The following VAMP4 variants were observed in gnomAD, a reference collection of about 807,000 sequenced individuals.
VAMP4 encodes the protein vesicle-associated membrane protein 4.
In VAMP4, 19 loss-of-function variants were observed where a neutral mutation model predicts 23.5. The observed-to-expected ratio is 0.81, with a 90% CI of 0.56 to 1.19. The LOEUF (loss-of-function observed/expected upper bound fraction) is 1.19. VAMP4 is among the 50% of genes most tolerant of loss of function. The pLI, the probability that VAMP4 is intolerant of heterozygous loss-of-function variation, is 0.00. For missense variants in VAMP4, 145 were observed against 168.6 expected (o/e 0.86, Z 0.78); for synonymous variants, 31 against 51.0 (o/e 0.61, Z 1.67).
At chr1:171,724,907 T>C (rs1655318233) in intron 3 of VAMP4, among the ~76,000 whole-genome samples, 1 of 152,196 alleles carries the variant, frequency 6.6e-6, no homozygotes, top group Admixed American at 6.5e-5. Context: ...GCCACACATA[T>C]ATAGTCAATA....
chr1:171,704,338 G>A lies in VAMP4; in HGVS notation c.*168C>T. ...TTAAAAGAACATTTTGTTAGAAAGG[G>A]AGAAGATAATTGGACATTCTCAACG... On this transcript the variant is annotated 3_prime_UTR_variant, in exon 8 of 8. Transcript: ENST00000236192. 3 of 424,188 alleles carry A rather than the reference G, an allele frequency of 7.1e-6. No individual in the cohort carries two copies. Among genetic ancestry groups the A allele is most frequent in the Non-Finnish European group, 1.3e-5 (3 of 236,368 alleles). 26.3% of individuals were successfully genotyped at this position (424,188 alleles called of 1,614,324 possible).
intron 2 of VAMP4, among the ~76,000 whole-genome samples, chr1:171,734,868 A>G (rs953149909): frequency 6.6e-6 from 1 of 152,158 alleles, no homozygotes; most frequent in Non-Finnish European, 1.5e-5. Flanking sequence ...GAGACAATAC[A>G]TTTTAAATTT....
rs75040773 is a variant in VAMP4 at position 171,716,362 on chromosome 1, C to A, written c.164+2809G>T. Among the ~76,000 whole-genome samples, 5 of 152,330 alleles carry A rather than the reference C, an allele frequency of 3.3e-5. No homozygotes were observed. In the East Asian group the frequency reaches 9.6e-4, roughly 29 times the overall value. ...TTATATAAATGAAACCTTAACTTCT[C>A]TACTCTGGAATGCTGACTCCATTCC... On this transcript the variant is annotated intron_variant, in intron 4 of 7. Transcript: ENST00000236192.
chr1:171,731,747 G>C (rs1018154818), intron 2 of VAMP4, among the ~76,000 whole-genome samples: 1 of 152,238 alleles, frequency 6.6e-6, no homozygotes, highest in East Asian at 1.9e-4. Flanking sequence ...ATATCTGTTT[G>C]CAAGAAATTC....
intron 2 of VAMP4, among the ~76,000 whole-genome samples, chr1:171,735,821 A>T (rs1040580691): frequency 6.6e-6 from 1 of 152,164 alleles, no homozygotes; most frequent in Non-Finnish European, 1.5e-5. Context: ...CATTTACTTT[A>T]ACAAATTGAC....
intron 5 of VAMP4, 30 bp from the exon 6 acceptor site, chr1:171,709,774 T>C: frequency 1.3e-6 from 2 of 1,533,532 alleles, no homozygotes; most frequent in Non-Finnish European, 1.8e-6. Flanking sequence ...GAGAGAAGGA[T>C]TAAACGACAT....
At chr1:171,720,919 C>A (rs1014592902) in intron 3 of VAMP4, among the ~76,000 whole-genome samples, 24 of 151,962 alleles carry the variant, frequency 1.6e-4, no homozygotes, top group African/African-American at 5.6e-4. Context: ...TCTTAACAAA[C>A]TCTTAACAAA....
intron 3 of VAMP4, among the ~76,000 whole-genome samples, chr1:171,720,823 T>C (rs893341855): frequency 1.3e-5 from 2 of 152,074 alleles, no homozygotes; most frequent in Admixed American, 6.6e-5. Context: ...AGTATGAACC[T>C]ACCACGAAAA....
At chr1:171,729,863 T>A (rs1367991805) in intron 2 of VAMP4, among the ~76,000 whole-genome samples, 1 of 152,126 alleles carries the variant, frequency 6.6e-6, no homozygotes, top group Non-Finnish European at 1.5e-5. Flanking sequence ...TTACCTTGCA[T>A]GGTAAAAGGG....
chr1:171,736,179 G>A (rs764469018), intron 2 of VAMP4, among the ~76,000 whole-genome samples: 5 of 152,152 alleles, frequency 3.3e-5, no homozygotes, highest in South Asian at 2.1e-4. Flanking sequence ...GAGCCACCAC[G>A]CCTGGCCAAG....
At chr1:171,711,337 G>A (rs561026293) in intron 4 of VAMP4, among the ~76,000 whole-genome samples, 1 of 152,214 alleles carries the variant, frequency 6.6e-6, no homozygotes, top group African/African-American at 2.4e-5. Flanking sequence ...CATATTCTAA[G>A]AGATACTGAT....
At chr1:171,706,936 T>C (rs548021460) in intron 6 of VAMP4, among the ~76,000 whole-genome samples, 31 of 152,332 alleles carry the variant, frequency 2.0e-4, no homozygotes, top group South Asian at 2.1e-4. Context: ...TTTTCAACTT[T>C]ACCTGAAATG....
rs1471740190 is a variant in VAMP4, at chr1:171,702,952, A to C, written c.*1554T>G. On this transcript the variant is annotated 3_prime_UTR_variant, in exon 8 of 8. Coordinates refer to ENST00000236192, the MANE Select transcript of VAMP4 (RefSeq NM_003762.5). ...TCTCTCTTCAAATTTTTTCCATTCT[A>C]AACAGCATTTTTTGCCTCCTAGTAA... The C allele has an allele frequency of 2.6e-5, 4 of 151,846 alleles. No individual in the cohort carries two copies. Among genetic ancestry groups the C allele is most frequent in the Admixed American group, 6.6e-5 (1 of 15,204 alleles). 9.4% of individuals were successfully genotyped at this position (151,846 alleles called of 1,614,324 possible). A position where few individuals can be genotyped will look rare whatever the true frequency, so the allele number is the denominator to read the frequency against.
At chr1:171,716,961 T>C (rs1655039729) in intron 4 of VAMP4, among the ~76,000 whole-genome samples, 1 of 152,206 alleles carries the variant, frequency 6.6e-6, no homozygotes, top group African/African-American at 2.4e-5. Flanking sequence ...TATTCTAAAA[T>C]TCTGTGATCA....
chr1:171,724,528 C>T (rs1218667976), intron 3 of VAMP4, among the ~76,000 whole-genome samples: 1 of 152,014 alleles, frequency 6.6e-6, no homozygotes, highest in Non-Finnish European at 1.5e-5. Flanking sequence ...AAAAATACAA[C>T]ATCTGGACAC....
intron 3 of VAMP4, among the ~76,000 whole-genome samples, chr1:171,721,637 G>T (rs1007455999): frequency 6.6e-6 from 1 of 152,134 alleles, no homozygotes; most frequent in Non-Finnish European, 1.5e-5. Flanking sequence ...CAAATCATGA[G>T]TGAACTCCCA....
At chr1:171,724,329 G>C (rs988723155) in intron 3 of VAMP4, among the ~76,000 whole-genome samples, 19 of 122,612 alleles carry the variant, frequency 1.5e-4, no homozygotes, top group Non-Finnish European at 3.0e-4. Context: ...GTCATGGGGT[G>C]GGGGGAGGGA....
intron 2 of VAMP4, among the ~76,000 whole-genome samples, chr1:171,730,959 C>T (rs1655542835): frequency 2.0e-5 from 3 of 151,780 alleles, no homozygotes; most frequent in Admixed American, 6.6e-5. Flanking sequence ...AATCCCAGCA[C>T]TTTGGGAGGC....
rs971226029 is a variant in VAMP4, at chr1:171,719,161, C to T, written c.164+10G>A. The T allele has an allele frequency of 2.5e-6, 4 of 1,609,662 alleles. No homozygotes were observed. The African/African-American group carries it at 4.0e-5, about 16-fold the overall frequency. On this transcript the variant is annotated intron_variant, in intron 4 of 7. Coordinates refer to ENST00000236192, the MANE Select transcript of VAMP4 (RefSeq NM_003762.5). ...TATGATTATCATTTAAACAAATGAA[C>T]AAAACTTACTGCTTAATTTTATCAT... is the stretch of plus-strand genomic sequence containing the variant.
Sources: gnomAD v4.1 joint callset for allele counts (sites outside exome capture counted in the v4.1 genomes callset) on GRCh38, gnomAD v4.1.1 for gene constraint, MANE v1.5 for transcripts, NCBI Gene and HGNC (gene_info 2026-07-23, HGNC 2026-07-21) for gene names.